EPB41L5: variants seen among roughly 807,000 people sequenced by gnomAD.
The protein encoded by EPB41L5 is band 4.1-like protein 5.
EPB41L5 carries 55 observed loss-of-function variants against 106.6 expected under a neutral mutation model. The observed-to-expected ratio is 0.52, with a 90% CI of 0.42 to 0.65. EPB41L5 has a LOEUF of 0.65. Among genes scored for constraint, EPB41L5 ranks in the 30% least tolerant of loss-of-function variants. The probability of loss-of-function intolerance (pLI) is 0.00; values close to 1 mark genes in which losing one functional copy is unlikely to be tolerated. For synonymous variants in EPB41L5, 297 were observed against 306.7 expected, an observed-to-expected ratio of 0.97 and a Z score of 0.33; for missense variants, 871 against 882.1, an observed-to-expected ratio of 0.99 and a Z score of 0.16.
intron 3 of EPB41L5, among the ~76,000 whole-genome samples, chr2:120,063,192 A>G (rs1304872870): frequency 4.6e-5 from 7 of 151,930 alleles, no homozygotes; most frequent in Non-Finnish European, 1.0e-4. Flanking sequence ...ATTAAAAAAA[A>G]TTAGCCAGGT....
At chr2:120,107,637 G>T (rs1684527407) in intron 16 of EPB41L5, among the ~76,000 whole-genome samples, 1 of 152,130 alleles carries the variant, frequency 6.6e-6, no homozygotes, top group African/African-American at 2.4e-5. Context: ...TGATTTGTCA[G>T]ATCCTTTCTA....
chr2:120,095,232 A>G (rs532927636), intron 14 of EPB41L5, among the ~76,000 whole-genome samples: 1 of 152,222 alleles, frequency 6.6e-6, no homozygotes, highest in South Asian at 2.1e-4. Flanking sequence ...TAATTGTTAT[A>G]TTATCCTGAT....
intron 11 of EPB41L5, among the ~76,000 whole-genome samples, chr2:120,088,380 T>C (rs988264872): frequency 6.6e-6 from 1 of 152,114 alleles, no homozygotes; most frequent in African/African-American, 2.4e-5. Context: ...GGGAGCTAAA[T>C]GATAAGAACT....
chr2:120,101,637 T>G (rs916162317), intron 16 of EPB41L5: 1 of 152,330 alleles, frequency 6.6e-6, no homozygotes, highest in Non-Finnish European at 1.5e-5. Context: ...ATCTCAAGGT[T>G]TTGGTCAGCT....
rs749676204 is a variant in EPB41L5, at chr2:120,078,600, C to T, written c.803+19C>T. On this transcript the variant is annotated intron_variant, in intron 10 of 24. Transcript: ENST00000263713. ...TTTTTTGGTAAGCAAGAGTTATTGT[C>T]AAAGATACTTACTGTTGTTTTGGTT... The T allele has an allele frequency of 3.7e-5, 56 of 1,523,656 alleles. No homozygotes were observed. Among genetic ancestry groups the T allele is most frequent in the Middle Eastern group, 1.7e-4 (1 of 5,812 alleles). 94.4% of individuals were successfully genotyped at this position (1,523,656 alleles called of 1,614,324 possible).
At position 120,095,238 on chromosome 2, in the gene EPB41L5, C is replaced by T. The variant is rs189862160; in HGVS notation, c.1178+1962C>T. 8.9e-4 allele frequency among the ~76,000 whole-genome samples: 136 copies of T among 152,188 alleles called. 1 individual carries two copies. Among genetic ancestry groups the T allele is most frequent in the African/African-American group, 3.0e-3 (125 of 41,520 alleles). On this transcript the variant is annotated intron_variant, in intron 14 of 24. Transcript: ENST00000263713. Reference sequence around the variant, plus strand: ...ATGTGTTGTTAATTGTTATATTATCCTGATGGACTGTTCCTTTTTATCTCT... The same window carrying T: ...ATGTGTTGTTAATTGTTATATTATCTTGATGGACTGTTCCTTTTTATCTCT...
chr2:120,165,695 C>T (rs1156851016), intron 22 of EPB41L5, among the ~76,000 whole-genome samples: 2 of 152,074 alleles, frequency 1.3e-5, no homozygotes, highest in East Asian at 3.9e-4. Flanking sequence ...TTGCTGGACA[C>T]GGTGGCTCAC....
At chr2:120,087,640 A>C (rs995694899) in intron 11 of EPB41L5, among the ~76,000 whole-genome samples, 9 of 152,082 alleles carry the variant, frequency 5.9e-5, no homozygotes, top group African/African-American at 1.9e-4. Flanking sequence ...ACATGCCACC[A>C]CCACGCCTGG....
At chr2:120,167,441 A>G (rs1687465542) in intron 22 of EPB41L5, 25 bp from the exon 23 acceptor site, 1 of 1,599,824 alleles carries the variant, frequency 6.3e-7, no homozygotes, top group Non-Finnish European at 8.6e-7. Context: ...CAAAAAGTAA[A>G]TACATACATA....
chr2:120,143,217 C>A (rs945380264), intron 19 of EPB41L5, 86 bp downstream of exon 19: 5 of 1,300,484 alleles, frequency 3.8e-6, no homozygotes, highest in Non-Finnish European at 5.2e-6. Context: ...AAATTCTAAT[C>A]AAGCTAGATT....
At chr2:120,074,566 T>C (rs1558849565) in intron 5 of EPB41L5, among the ~76,000 whole-genome samples, 1 of 152,186 alleles carries the variant, frequency 6.6e-6, no homozygotes, top group Non-Finnish European at 1.5e-5. Flanking sequence ...CTTTACTCAT[T>C]GAAATGCCAT....
intron 3 of EPB41L5, among the ~76,000 whole-genome samples, chr2:120,067,724 C>G (rs971097057): frequency 6.6e-6 from 1 of 152,116 alleles, no homozygotes; most frequent in African/African-American, 2.4e-5. Context: ...TTAAAGAGTA[C>G]TACCTCTGAG....
At chr2:120,034,358 C>G (rs1678908416) in intron 2 of EPB41L5, among the ~76,000 whole-genome samples, 1 of 152,152 alleles carries the variant, frequency 6.6e-6, no homozygotes, top group African/African-American at 2.4e-5. Context: ...TCCCTTTTGT[C>G]TTGAAGCAAA....
At chr2:120,024,413 T>C (rs906818718) in intron 2 of EPB41L5, among the ~76,000 whole-genome samples, 2 of 152,144 alleles carry the variant, frequency 1.3e-5, no homozygotes, top group Non-Finnish European at 2.9e-5. Flanking sequence ...TTATCAAAGG[T>C]CTTTTCTGCA....
intron 16 of EPB41L5, chr2:120,105,836 A>G (rs1684423088): frequency 2.0e-6 from 2 of 985,248 alleles, no homozygotes; most frequent in South Asian, 4.7e-5. Context: ...AAAGAGAGGA[A>G]TTTGGATTAT....
chr2:120,051,836 T>G (rs534236128), intron 3 of EPB41L5, among the ~76,000 whole-genome samples: 99 of 18,236 alleles, frequency 5.4e-3, no homozygotes, highest in Admixed American at 0.018. Context: ...ATTGTTTTGT[T>G]TTTTTTTTGA....
intron 2 of EPB41L5, among the ~76,000 whole-genome samples, chr2:120,030,314 A>G (rs748363882): frequency 4.6e-5 from 7 of 152,296 alleles, no homozygotes; most frequent in Non-Finnish European, 8.8e-5. Flanking sequence ...GAACTTCCCC[A>G]AATTGCTCCT....
chr2:120,041,683 G>A (rs1679415957), intron 2 of EPB41L5, among the ~76,000 whole-genome samples: 1 of 152,034 alleles, frequency 6.6e-6, no homozygotes, highest in Non-Finnish European at 1.5e-5. Flanking sequence ...CCCTTTTAAA[G>A]TAGGGACTCT....
At chr2:120,148,270 T>C (rs1686500684) in intron 20 of EPB41L5, among the ~76,000 whole-genome samples, 2 of 152,112 alleles carry the variant, frequency 1.3e-5, no homozygotes, top group African/African-American at 2.4e-5. Flanking sequence ...AGAACATTGT[T>C]TGAGAATGTT....
Sources: gnomAD v4.1 joint callset for allele counts (sites outside exome capture counted in the v4.1 genomes callset) on GRCh38, gnomAD v4.1.1 for gene constraint, MANE v1.5 for transcripts, NCBI Gene and HGNC (gene_info 2026-07-23, HGNC 2026-07-21) for gene names.